The following CLCN3 variants were observed in gnomAD, a reference collection of about 807,000 sequenced individuals.
CLCN3 encodes H(+)/Cl(-) exchange transporter 3.
Under a neutral mutation model 83.4 loss-of-function variants are expected in CLCN3, and 16 were observed. The observed-to-expected ratio is 0.19, with a 90% confidence interval of 0.13 to 0.29. CLCN3 has a LOEUF of 0.29. Among genes scored for constraint, CLCN3 ranks in the 10% least tolerant of loss-of-function variants. The probability of loss-of-function intolerance (pLI) is 1.00; values close to 1 mark genes in which losing one functional copy is unlikely to be tolerated. For synonymous variants in CLCN3, 322 were observed against 346.2 expected, an observed-to-expected ratio of 0.93 and a Z score of 0.78; for missense variants, 544 against 1,006.0, an observed-to-expected ratio of 0.54 and a Z score of 6.21.
At chr4:169,646,382 G>C (rs1272018025) in intron 2 of CLCN3, among the ~76,000 whole-genome samples, 1 of 152,100 alleles carries the variant, frequency 6.6e-6, no homozygotes, top group Non-Finnish European at 1.5e-5. Flanking sequence ...CCCAGGTGGA[G>C]TGTTGAAGTG....
intron 2 of CLCN3, among the ~76,000 whole-genome samples, chr4:169,637,286 TA>T (rs1196537514): frequency 3.5e-5 from 4 of 114,252 alleles, no homozygotes; most frequent in Non-Finnish European, 8.1e-5. Context: ...CATTCTGTGG[TA>T]TTTTTTTTAC....
At chr4:169,674,145 C>A (rs1487463267) in intron 2 of CLCN3, among the ~76,000 whole-genome samples, 1 of 152,116 alleles carries the variant, frequency 6.6e-6, no homozygotes, top group African/African-American at 2.4e-5. Context: ...AATCCTGGAG[C>A]ACATGTTACA....
At position 169,697,128 on chromosome 4, in the gene CLCN3, A is replaced by G. The variant is rs1732593900; in HGVS notation, c.1018-61A>G. The G allele has an allele frequency of 9.0e-6, 11 of 1,219,158 alleles. No homozygotes were observed. The East Asian group carries it at 2.5e-4, about 28-fold the overall frequency. The allele number at this position is 1,219,158 out of a possible 1,614,324, so 75.5% of individuals were successfully genotyped here. On this transcript the variant is annotated intron_variant, in intron 8 of 12. Coordinates refer to ENST00000513761, the MANE Select transcript of CLCN3 (RefSeq NM_001829.4). ...GGATATTTACCATTCAAGTTATAAT[A>G]TATCAGAAACATCTTATAAAATTAT...
At chr4:169,669,424 GGC>G (rs1053152319) in intron 2 of CLCN3, among the ~76,000 whole-genome samples, 4 of 152,114 alleles carry the variant, frequency 2.6e-5, no homozygotes, top group Non-Finnish European at 2.9e-5. Context: ...CTAGGTTTGA[GGC>G]TACAGTGAGC....
chr4:169,695,957 G>A lies in CLCN3; in HGVS notation c.1017+265G>A, dbSNP rs187691017. Among the ~76,000 whole-genome samples, 9 of 152,310 alleles carry A rather than the reference G, an allele frequency of 5.9e-5. No homozygotes were observed. In the East Asian group the frequency reaches 1.7e-3, roughly 29 times the overall value. ...TTGTTGACATATTTAAAAGTAAGAA[G>A]ATGTGAATTTGACTTAATAGAGGAC... On this transcript the variant is annotated intron_variant, in intron 8 of 12. Transcript: ENST00000513761.
intron 1 of CLCN3, among the ~76,000 whole-genome samples, chr4:169,627,162 C>G (rs1773256262): frequency 6.6e-6 from 1 of 152,146 alleles, no homozygotes; most frequent in African/African-American, 2.4e-5. Context: ...CCTTCATGAT[C>G]TGGCCTATGT....
chr4:169,621,669 C>G (rs1773115940), intron 1 of CLCN3, among the ~76,000 whole-genome samples: 3 of 152,196 alleles, frequency 2.0e-5, no homozygotes, highest in Admixed American at 1.3e-4. Flanking sequence ...ATATATAATT[C>G]AAAAGTTCAG....
rs1346965824 is a variant in CLCN3, at chr4:169,720,000, C to T, written c.*3C>T. The T allele has an allele frequency of 1.9e-6, 3 of 1,613,412 alleles. No homozygotes were observed. Among genetic ancestry groups the T allele is most frequent in the Non-Finnish European group, 2.5e-6 (3 of 1,179,360 alleles). Reference sequence around the variant, plus strand: ...CCGCTTCAATAATGTTCAACTGAATCTCACAGATGAGGAGAGAGAAGAAAC... The same window carrying T: ...CCGCTTCAATAATGTTCAACTGAATTTCACAGATGAGGAGAGAGAAGAAAC... On this transcript the variant is annotated 3_prime_UTR_variant, in exon 13 of 13. Coordinates refer to ENST00000513761, the MANE Select transcript of CLCN3 (RefSeq NM_001829.4).
chr4:169,686,938 A>C (rs921009637), intron 3 of CLCN3, among the ~76,000 whole-genome samples: 2 of 152,180 alleles, frequency 1.3e-5, no homozygotes, highest in Non-Finnish European at 2.9e-5. Context: ...GTAAAGAAAG[A>C]GCCTCTGGAC....
intron 2 of CLCN3, among the ~76,000 whole-genome samples, chr4:169,657,194 C>T (rs1730912678): frequency 6.6e-6 from 1 of 152,006 alleles, no homozygotes; most frequent in Non-Finnish European, 1.5e-5. Flanking sequence ...TTTTAAAGGT[C>T]ATTATTTTAA....
intron 12 of CLCN3, among the ~76,000 whole-genome samples, chr4:169,714,711 T>C (rs901168544): frequency 1.3e-5 from 2 of 152,152 alleles, no homozygotes; most frequent in African/African-American, 4.8e-5. Flanking sequence ...ATTAGATCTA[T>C]GTTTAGTGTT....
At chr4:169,683,448 T>C (rs1307758876) in intron 3 of CLCN3, among the ~76,000 whole-genome samples, 3 of 152,176 alleles carry the variant, frequency 2.0e-5, no homozygotes, top group Non-Finnish European at 4.4e-5. Context: ...TGAATTATGA[T>C]TGCACCACTG....
chr4:169,636,735 G>GTTTTTTTTT (rs67900605), intron 2 of CLCN3, among the ~76,000 whole-genome samples: 3 of 119,512 alleles, frequency 2.5e-5, no homozygotes, highest in African/African-American at 8.9e-5. Flanking sequence ...TCATTATTTG[G>GTTTTTTTTT]TTTTTTTTTT....
chr4:169,721,743 C>T lies in CLCN3; in HGVS notation c.*1746C>T, dbSNP rs1425810591. ...TTGGAATTGTCTGTTTTAATCACAG[C>T]CTTAATTCACAATTGGCAAAGGCAG... On this transcript the variant is annotated 3_prime_UTR_variant, in exon 13 of 13. Transcript: ENST00000513761. 6.6e-6 allele frequency: 1 copy of T among 152,126 alleles called. No individual in the cohort carries two copies. Among genetic ancestry groups the T allele is most frequent in the African/African-American group, 2.4e-5 (1 of 41,392 alleles). The allele number at this position is 152,126 out of a possible 1,614,324, so 9.4% of individuals were successfully genotyped here. A position where few individuals can be genotyped will look rare whatever the true frequency, so the allele number is the denominator to read the frequency against.
At chr4:169,631,524 G>A (rs528237537) in intron 1 of CLCN3, among the ~76,000 whole-genome samples, 2 of 152,152 alleles carry the variant, frequency 1.3e-5, no homozygotes, top group South Asian at 2.1e-4. Context: ...TCCTGACCTC[G>A]TGATCCGCCC....
At chr4:169,687,460 G>A (rs1212446260) in intron 3 of CLCN3, among the ~76,000 whole-genome samples, 198 bp from the exon 4 acceptor site, 1 of 152,102 alleles carries the variant, frequency 6.6e-6, no homozygotes, top group East Asian at 1.9e-4. Flanking sequence ...AGCAGATCTT[G>A]GGTAAAGACA....
At chr4:169,669,020 A>G (rs1211748816) in intron 2 of CLCN3, among the ~76,000 whole-genome samples, 1 of 152,142 alleles carries the variant, frequency 6.6e-6, no homozygotes, top group East Asian at 1.9e-4. Context: ...TGAGGGACAG[A>G]AGTTTCCTTA....
intron 2 of CLCN3, among the ~76,000 whole-genome samples, chr4:169,663,309 G>GT (rs201008427): frequency 0.038 from 1,532 of 39,866 alleles, 31 homozygotes; most frequent in African/African-American, 0.083. Context: ...TCCTAAGTGG[G>GT]TTTTTTTGTT....
intron 2 of CLCN3, among the ~76,000 whole-genome samples, chr4:169,655,447 G>A (rs1730852544): frequency 6.6e-6 from 1 of 152,150 alleles, no homozygotes; most frequent in Non-Finnish European, 1.5e-5. Context: ...ATTAAAACAG[G>A]TTTGCCGGTT....
Sources: allele counts gnomAD v4.1 joint callset (sites outside exome capture counted in the v4.1 genomes callset), GRCh38; gene constraint gnomAD v4.1.1; transcripts MANE v1.5; gene names NCBI Gene and HGNC (gene_info 2026-07-23, HGNC 2026-07-21).